REV3L: variants seen among roughly 807,000 people sequenced by gnomAD.
REV3L encodes the protein REV3 like, DNA directed polymerase zeta catalytic subunit.
Under a neutral mutation model 299.4 loss-of-function variants are expected in REV3L, and 69 were observed. The ratio of observed to expected loss-of-function variants is 0.23; its 90% CI spans 0.19 to 0.28. REV3L has a LOEUF of 0.28. REV3L is among the 10% of genes least tolerant of loss of function. REV3L has a pLI of 1.00. For synonymous variants in REV3L, 1,238 were observed against 1,271.4 expected (o/e 0.97, Z 0.56); for missense variants, 3,128 against 3,693.8 (o/e 0.85, Z 3.97).
chr6:111,388,916 A>C (rs946877973), intron 7 of REV3L, among the ~76,000 whole-genome samples, 190 bp downstream of exon 7: 2 of 152,230 alleles, frequency 1.3e-5, no homozygotes, highest in African/African-American at 4.8e-5. Flanking sequence ...CAAAGAGATA[A>C]TAAGCGACAA....
chr6:111,306,439 TCAA>T (rs952820386), intron 31 of REV3L, among the ~76,000 whole-genome samples: 5 of 152,112 alleles, frequency 3.3e-5, no homozygotes, highest in African/African-American at 9.7e-5. Flanking sequence ...AGATGACTTA[TCAA>T]CAATAAGGAG....
chr6:111,450,607 A>C (rs896958937), intron 1 of REV3L, among the ~76,000 whole-genome samples: 14 of 152,134 alleles, frequency 9.2e-5, no homozygotes, highest in African/African-American at 3.4e-4. Flanking sequence ...CAATTACCAA[A>C]AAAACAAAAC....
At position 111,375,535 on chromosome 6, in the gene REV3L, G is replaced by C. The variant is rs1013142534; in HGVS notation, c.2820C>G (p.Asn940Lys). 16 of 1,613,106 alleles carry C rather than the reference G, an allele frequency of 9.9e-6. No homozygotes were observed. Among genetic ancestry groups the C allele is most frequent in the Non-Finnish European group, 1.4e-5 (16 of 1,179,760 alleles). The change falls in exon 13 of 32, where the codon AAC becomes AAG. Residue 940 changes from asparagine to lysine, a missense_variant. Physicochemically the swap from Asn to Lys is moderately conservative, Grantham distance 94. Transcript: ENST00000368802. ...TGGGATGAGGTAGACTAATTTTTGA[G>C]TTGTGAGTTACAAAACTTGACTCAC... is the stretch of plus-strand genomic sequence containing the variant. ...EDSESSFVTH[N>K]SKISLPHPME...
At chr6:111,462,410 C>T (rs538915631) in intron 1 of REV3L, among the ~76,000 whole-genome samples, 3 of 151,710 alleles carry the variant, frequency 2.0e-5, no homozygotes, top group Admixed American at 1.3e-4. Flanking sequence ...AAAGGCACAC[C>T]GATCTTAAAT....
chr6:111,318,064 G>A (rs1294560919), intron 26 of REV3L, among the ~76,000 whole-genome samples: 1 of 151,800 alleles, frequency 6.6e-6, no homozygotes, highest in East Asian at 1.9e-4. Flanking sequence ...AAGTTTTTGT[G>A]TGGACATAGG....
rs746348480 is a variant in REV3L, at chr6:111,358,818, A to G, written c.7072+4T>C. ...GGTATATCATTAATAAAAATGGACA[A>G]TACCTTGACTGAAAACTGTCTTGTC... On this transcript the variant is annotated splice_donor_region_variant and intron_variant, in intron 17 of 31. Coordinates refer to ENST00000368802, the MANE Select transcript of REV3L (RefSeq NM_001372078.1). The G allele has an allele frequency of 1.1e-5, 17 of 1,603,636 alleles. No individual in the cohort carries two copies. In the South Asian group the frequency reaches 1.2e-4, roughly 12 times the overall value.
intron 23 of REV3L, among the ~76,000 whole-genome samples, chr6:111,332,231 C>G (rs1251586247): frequency 6.6e-6 from 1 of 151,956 alleles, no homozygotes; most frequent in Non-Finnish European, 1.5e-5. Flanking sequence ...GCCACCATAC[C>G]CGGCTAATTT....
At chr6:111,351,838 C>T (rs763482764) in intron 18 of REV3L, 47 bp from the exon 19 acceptor site, 1 of 1,236,676 alleles carries the variant, frequency 8.1e-7, no homozygotes, top group South Asian at 1.3e-5. Context: ...TACATTTGAA[C>T]CTTTAACCAG....
chr6:111,483,465 G>A, upstream of REV3L: 1 of 506,852 alleles, frequency 2.0e-6, no homozygotes, highest in Non-Finnish European at 3.7e-6. Flanking sequence ...ACCTGGGTGA[G>A]GGGCAGCGGA....
chr6:111,332,409 T>C (rs1357786009), intron 23 of REV3L, among the ~76,000 whole-genome samples: 1 of 152,208 alleles, frequency 6.6e-6, no homozygotes, highest in Non-Finnish European at 1.5e-5. Context: ...AAAAATTTAT[T>C]TTAACATCCT....
At chr6:111,469,796 T>G (rs1415727915) in intron 1 of REV3L, among the ~76,000 whole-genome samples, 1 of 152,150 alleles carries the variant, frequency 6.6e-6, no homozygotes, top group Non-Finnish European at 1.5e-5. Context: ...AGGCCAGACA[T>G]AAGCTGCAGC....
At position 111,381,050 on chromosome 6, in the gene REV3L, C is replaced by G. The variant is rs182218849; in HGVS notation, c.1216+275G>C. Among the ~76,000 whole-genome samples, 19 of 152,276 alleles carry G rather than the reference C, an allele frequency of 1.2e-4. 1 individual carries two copies. The highest frequency in any genetic ancestry group is 1.1e-3 in the Admixed American group (17 of 15,298). ...TACTGAACTTTGCAAAATATTAATT[C>G]AAAATAAATGCATTTTCCTTCTTAA... On this transcript the variant is annotated intron_variant, in intron 10 of 31. Transcript: ENST00000368802.
chr6:111,413,897 T>C (rs370928466), intron 2 of REV3L, among the ~76,000 whole-genome samples: 17 of 152,074 alleles, frequency 1.1e-4, no homozygotes, highest in Admixed American at 5.2e-4. Context: ...AGGATATATA[T>C]AGGAAAGTTA....
chr6:111,410,827 A>AC (rs1346662254), intron 3 of REV3L, among the ~76,000 whole-genome samples: 1 of 151,988 alleles, frequency 6.6e-6, no homozygotes, highest in East Asian at 1.9e-4. Context: ...AGCAGAGAGG[A>AC]CCTCCTGAAA....
chr6:111,383,884 C>T (rs1023024656), intron 9 of REV3L, among the ~76,000 whole-genome samples: 7 of 152,072 alleles, frequency 4.6e-5, no homozygotes, highest in African/African-American at 9.7e-5. Flanking sequence ...GTAATCAAAA[C>T]GGCATGATAC....
chr6:111,420,772 A>G (rs1475665599), intron 1 of REV3L, among the ~76,000 whole-genome samples: 1 of 152,254 alleles, frequency 6.6e-6, no homozygotes, highest in African/African-American at 2.4e-5. Context: ...ACATAACAAA[A>G]GGCAGATGCC....
chr6:111,300,177 CAAAAAA>C, intron 31 of REV3L, 21 bp from the exon 32 acceptor site: 1 of 1,543,694 alleles, frequency 6.5e-7, no homozygotes, highest in Non-Finnish European at 8.7e-7. Flanking sequence ...AAGAGAAATA[CAAAAAA>C]TAATAGGAAA....
At chr6:111,454,386 A>T (rs554049692) in intron 1 of REV3L, among the ~76,000 whole-genome samples, 13 of 151,802 alleles carry the variant, frequency 8.6e-5, no homozygotes, top group Admixed American at 3.3e-4. Context: ...TTTTTTTTTT[A>T]AATGTGGTAA....
intron 1 of REV3L, among the ~76,000 whole-genome samples, chr6:111,467,463 T>C (rs1014950926): frequency 1.3e-5 from 2 of 152,224 alleles, no homozygotes; most frequent in Non-Finnish European, 2.9e-5. Context: ...CATACCCATG[T>C]GGTTGATTAG....
Sources: allele counts gnomAD v4.1 joint callset (sites outside exome capture counted in the v4.1 genomes callset), GRCh38; gene constraint gnomAD v4.1.1; transcripts MANE v1.5; gene names NCBI Gene and HGNC (gene_info 2026-07-23, HGNC 2026-07-21).